The following EPS15 variants were observed in gnomAD, a reference collection of about 807,000 sequenced individuals.
The protein encoded by EPS15 is epidermal growth factor receptor pathway substrate 15.
EPS15 carries 72 observed loss-of-function variants against 113.8 expected under a neutral mutation model. That is an observed-to-expected ratio of 0.63 (90% CI 0.52 to 0.77). The LOEUF is 0.77. EPS15 is among the 30% of genes least tolerant of loss of function. The probability of loss-of-function intolerance (pLI) is 0.00; values close to 1 mark genes in which losing one functional copy is unlikely to be tolerated. For missense variants in EPS15, 1,048 were observed against 1,045.8 expected (o/e 1.00, Z -0.03); for synonymous variants, 344 against 363.4 (o/e 0.95, Z 0.61).
chr1:51,445,867 G>A (rs1026227358), intron 10 of EPS15, among the ~76,000 whole-genome samples: 8 of 152,110 alleles, frequency 5.3e-5, no homozygotes, highest in Non-Finnish European at 1.0e-4. Flanking sequence ...CCCATCTTGC[G>A]AAATTACTAT....
At chr1:51,378,276 T>G (rs551510542) in intron 21 of EPS15, among the ~76,000 whole-genome samples, 1 of 152,264 alleles carries the variant, frequency 6.6e-6, no homozygotes, top group East Asian at 1.9e-4. Flanking sequence ...TACTGCACAC[T>G]TAATAGACCA....
intron 21 of EPS15, among the ~76,000 whole-genome samples, chr1:51,387,287 C>A (rs1385105778): frequency 6.6e-6 from 1 of 151,840 alleles, no homozygotes; most frequent in Non-Finnish European, 1.5e-5. Flanking sequence ...TTTGTCACCA[C>A]CAGACCTGCC....
intron 12 of EPS15, among the ~76,000 whole-genome samples, chr1:51,430,482 C>T (rs1160032031): frequency 1.3e-5 from 2 of 150,928 alleles, no homozygotes; most frequent in East Asian, 1.9e-4. Context: ...GCAGGAGAAT[C>T]ACTTGAACCT....
intron 21 of EPS15, among the ~76,000 whole-genome samples, chr1:51,385,120 C>T (rs372244541): frequency 5.3e-5 from 8 of 152,154 alleles, no homozygotes; most frequent in South Asian, 2.1e-4. Context: ...TGTTCACCAA[C>T]GGACAGTACT....
intron 9 of EPS15, 176 bp downstream of exon 9, chr1:51,447,870 T>C (rs1653194476): frequency 1.7e-6 from 1 of 602,380 alleles, no homozygotes; most frequent in Non-Finnish European, 2.1e-6. Context: ...CTTTGTCAAA[T>C]AGTAAACTGT....
chr1:51,473,244 CTTCTAT>C (rs980510052), intron 2 of EPS15, among the ~76,000 whole-genome samples: 4 of 152,152 alleles, frequency 2.6e-5, no homozygotes, highest in African/African-American at 9.7e-5. Context: ...CAACACATAT[CTTCTAT>C]AGCTGTCATT....
intron 12 of EPS15, among the ~76,000 whole-genome samples, chr1:51,433,912 C>T (rs1651935090): frequency 6.6e-6 from 1 of 152,194 alleles, no homozygotes; most frequent in South Asian, 2.1e-4. Flanking sequence ...ACCACATTAT[C>T]CAAGTGACTG....
At chr1:51,446,846 A>C in intron 10 of EPS15, 114 bp downstream of exon 10, 1 of 848,604 alleles carries the variant, frequency 1.2e-6, no homozygotes, top group East Asian at 2.6e-5. Flanking sequence ...TTTTCTCTAT[A>C]AAAAATTCTG....
chr1:51,421,655 C>T (rs929169200), intron 13 of EPS15, 131 bp downstream of exon 13: 1 of 463,280 alleles, frequency 2.2e-6, no homozygotes, highest in Non-Finnish European at 3.7e-6. Context: ...AAAAGATAAA[C>T]ATTTATATAA....
intron 18 of EPS15, among the ~76,000 whole-genome samples, chr1:51,401,860 C>T (rs1648589195): frequency 6.6e-6 from 1 of 152,128 alleles, no homozygotes; most frequent in Non-Finnish European, 1.5e-5. Flanking sequence ...AAAATTAGGC[C>T]AGACGCGGTG....
intron 1 of EPS15, among the ~76,000 whole-genome samples, chr1:51,501,742 G>A (rs1323064076): frequency 6.6e-6 from 1 of 152,104 alleles, no homozygotes; most frequent in Admixed American, 6.6e-5. Context: ...GCCTCCCAAA[G>A]TGCTGGGATT....
At chr1:51,397,614 C>T (rs1648084056) in intron 20 of EPS15, among the ~76,000 whole-genome samples, 1 of 152,136 alleles carries the variant, frequency 6.6e-6, no homozygotes, top group African/African-American at 2.4e-5. Context: ...AACAGAGTAT[C>T]CAGCAGCCCA....
At chr1:51,478,497 T>G (rs544879963) in intron 2 of EPS15, among the ~76,000 whole-genome samples, 1 of 151,726 alleles carries the variant, frequency 6.6e-6, no homozygotes, top group East Asian at 1.9e-4. Flanking sequence ...ATCCTGTCAT[T>G]ATGATGTTAG....
rs910671285 is a variant in EPS15 at position 51,485,989 on chromosome 1, G to A, written c.34-4675C>T. Among the ~76,000 whole-genome samples the A allele has an allele frequency of 3.3e-5, 5 of 151,844 alleles. No individual in the cohort carries two copies. The East Asian group carries it at 7.9e-4, about 24-fold the overall frequency. ...ATTTTTGTATTTTTAGTAGAGATGG[G>A]GTTTCGCCATGTTGGCCAGGTTGGT... On this transcript the variant is annotated intron_variant, in intron 1 of 24. Coordinates refer to ENST00000371733, the MANE Select transcript of EPS15 (RefSeq NM_001981.3).
chr1:51,497,533 A>C (rs200427404), intron 1 of EPS15, among the ~76,000 whole-genome samples: 7 of 152,334 alleles, frequency 4.6e-5, no homozygotes, highest in East Asian at 3.9e-4. Context: ...GGTGAGAAAT[A>C]CTCATTAATC....
chr1:51,376,971 A>G (rs1646814814), intron 21 of EPS15, among the ~76,000 whole-genome samples: 1 of 152,126 alleles, frequency 6.6e-6, no homozygotes, highest in African/African-American at 2.4e-5. Flanking sequence ...GCTATTAAGA[A>G]CAATGTGACT....
In EPS15 at chr1:51,486,959, T is replaced by A. The variant is rs186219893; in HGVS notation, c.34-5645A>T. Among the ~76,000 whole-genome samples the A allele has an allele frequency of 6.6e-3, 1,008 of 152,288 alleles. 7 individuals are homozygous for A. Among genetic ancestry groups the A allele is most frequent in the Middle Eastern group, 0.024 (7 of 294 alleles). On this transcript the variant is annotated intron_variant, in intron 1 of 24. Coordinates refer to ENST00000371733, the MANE Select transcript of EPS15 (RefSeq NM_001981.3). ...TGCTGGGATTACAGGCATAAGCCACTGCGCCCAGCCTATAATTTTCAATAA... is the reference window on the plus strand; with the variant it reads ...TGCTGGGATTACAGGCATAAGCCACAGCGCCCAGCCTATAATTTTCAATAA...
chr1:51,414,687 G>C (rs116022574), intron 13 of EPS15, among the ~76,000 whole-genome samples: 4,856 of 151,938 alleles, frequency 0.032, 126 homozygotes, highest in Non-Finnish European at 0.05. Context: ...TCTACTTCAT[G>C]TCTCTAATAA....
Position 51,426,862 on chromosome 1 carries a change from C to CAT in EPS15, c.1041-5006_1041-5005dup, listed in dbSNP as rs1361828450. Among the ~76,000 whole-genome samples, 978 of 134,042 alleles carry CAT rather than the reference C, an allele frequency of 7.3e-3. 7 individuals are homozygous for CAT. The highest frequency in any genetic ancestry group is 0.031 in the African/African-American group (940 of 29,874). 87.9% of individuals were successfully genotyped at this position (134,042 alleles called of 152,430 possible). On this transcript the variant is annotated intron_variant, in intron 12 of 24. Coordinates refer to ENST00000371733, the MANE Select transcript of EPS15 (RefSeq NM_001981.3). Reference sequence around the variant, plus strand: ...CTATATATATATATATACACACACACATATATATATACACATATATACACA... The same window carrying CAT: ...CTATATATATATATATACACACACACATATATATATATACACATATATACACA...
Sources: allele counts gnomAD v4.1 joint callset (sites outside exome capture counted in the v4.1 genomes callset), GRCh38; gene constraint gnomAD v4.1.1; transcripts MANE v1.5; gene names NCBI Gene and HGNC (gene_info 2026-07-23, HGNC 2026-07-21).